The following AMN1 variants were observed in gnomAD, a reference collection of about 807,000 sequenced individuals.
The protein encoded by AMN1 is antagonist of mitotic exit network 1 homolog, also known as protein AMN1 homolog.
In AMN1, 20 loss-of-function variants were observed where a neutral mutation model predicts 33.0. That is an observed-to-expected ratio of 0.61 (90% CI 0.43 to 0.88). The LOEUF is 0.88. Among genes scored for constraint, AMN1 ranks in the 40% least tolerant of loss-of-function variants. The pLI is 0.00. For synonymous variants in AMN1, 114 were observed against 111.9 expected, an observed-to-expected ratio of 1.02 and a Z score of -0.12; for missense variants, 246 against 307.4, an observed-to-expected ratio of 0.80 and a Z score of 1.49.
chr12:31,728,997 T>C lies in AMN1; in HGVS notation c.12A>G (p.Pro4=). The C allele has an allele frequency of 6.5e-7, 1 of 1,545,594 alleles. No individual in the cohort carries two copies. The highest frequency in any genetic ancestry group is 8.7e-7 in the Non-Finnish European group (1 of 1,142,940). The change falls in exon 1 of 7, where the codon CCA becomes CCG. Residue 4 remains proline (P), a synonymous_variant. Transcript: ENST00000281471. MPR[P]RRVSQLLDLC... Reference sequence around the variant, plus strand: ...GATCCAGGAGCTGACTGACCCGCCGTGGGCGAGGCATCGCTGCAGCGTCTG... The same window carrying C: ...GATCCAGGAGCTGACTGACCCGCCGCGGGCGAGGCATCGCTGCAGCGTCTG...
chr12:31,702,191 C>G (rs1002678719), intron 2 of AMN1, among the ~76,000 whole-genome samples, 184 bp from the exon 3 acceptor site: 1 of 152,200 alleles, frequency 6.6e-6, no homozygotes, highest in Non-Finnish European at 1.5e-5. Context: ...CTACTTCCAG[C>G]AGGAGGTGCA....
chr12:31,702,407 C>T (rs555324951), intron 2 of AMN1, among the ~76,000 whole-genome samples: 5 of 152,290 alleles, frequency 3.3e-5, no homozygotes, highest in African/African-American at 1.2e-4. Flanking sequence ...CAAGTGCTTA[C>T]AGAGCACTAG....
chr12:31,680,920 C>A (rs2139658353), intron 6 of AMN1, among the ~76,000 whole-genome samples: 1 of 152,048 alleles, frequency 6.6e-6, no homozygotes, highest in South Asian at 2.1e-4. Context: ...ACAAAAAACC[C>A]CCACAAACAC....
At chr12:31,677,843 T>C (rs1937803056) in intron 6 of AMN1, among the ~76,000 whole-genome samples, 1 of 152,136 alleles carries the variant, frequency 6.6e-6, no homozygotes, top group African/African-American at 2.4e-5. Context: ...CCTACAAATA[T>C]TACTCTAAAC....
intron 1 of AMN1, among the ~76,000 whole-genome samples, chr12:31,726,609 T>C (rs1035687687): frequency 6.6e-6 from 1 of 152,238 alleles, no homozygotes; most frequent in Non-Finnish European, 1.5e-5. Context: ...CCAAGCCCTG[T>C]TTCCTTCATG....
chr12:31,725,684 T>G (rs1398525384), intron 1 of AMN1, among the ~76,000 whole-genome samples: 1 of 152,166 alleles, frequency 6.6e-6, no homozygotes, highest in East Asian at 1.9e-4. Flanking sequence ...CTCTTCATTT[T>G]ATTTGTGTAT....
intron 6 of AMN1, among the ~76,000 whole-genome samples, chr12:31,680,328 A>G (rs1186459645): frequency 6.6e-6 from 1 of 151,328 alleles, no homozygotes; most frequent in Non-Finnish European, 1.5e-5. Context: ...AGCCTCCCAA[A>G]TACCTGGGAT....
Position 31,672,362 on chromosome 12 carries a change from A to T in AMN1, c.719T>A (p.Val240Glu). Reference protein sequence around the residue: ...CPLITDHSREVLEQLVGPNKL... With the variant: ...CPLITDHSREELEQLVGPNKL... Reference sequence around the variant, plus strand: ...GTTTGGGCCTACTAATTGCTCCAACACTTCTCGGGAATGATCTATAAAAGA... The same window carrying T: ...GTTTGGGCCTACTAATTGCTCCAACTCTTCTCGGGAATGATCTATAAAAGA... Residue 240 changes from valine to glutamate, a missense_variant, in exon 7 of 7, where the codon GTG becomes GAG. Val to Glu is a moderately radical substitution (Grantham distance 121, BLOSUM62 -2). Coordinates refer to ENST00000281471, the MANE Select transcript of AMN1 (RefSeq NM_001113402.2). 6.4e-7 allele frequency: 1 copy of T among 1,573,178 alleles called. No individual in the cohort carries two copies. Among genetic ancestry groups the T allele is most frequent in the Admixed American group, 1.8e-5 (1 of 54,970 alleles).
intron 1 of AMN1, chr12:31,714,353 G>T (rs1939588606): frequency 6.6e-6 from 1 of 152,078 alleles, no homozygotes; most frequent in South Asian, 2.1e-4. Context: ...TTGAGACAAG[G>T]TCTCACTCTG....
intron 3 of AMN1, among the ~76,000 whole-genome samples, chr12:31,700,095 C>T (rs929288145): frequency 5.9e-5 from 9 of 151,416 alleles, no homozygotes; most frequent in African/African-American, 1.9e-4. Flanking sequence ...ATATACTCAA[C>T]TACCCACACA....
chr12:31,723,640 G>C (rs925905624), intron 1 of AMN1, among the ~76,000 whole-genome samples: 3 of 152,170 alleles, frequency 2.0e-5, no homozygotes, highest in Non-Finnish European at 4.4e-5. Flanking sequence ...TGAGCCGATA[G>C]TCAAGGTATT....
chr12:31,672,361 C>T lies in AMN1; in HGVS notation c.720G>A (p.Val240=), dbSNP rs1253774242. The T allele has an allele frequency of 6.4e-7, 1 of 1,574,260 alleles. No homozygotes were observed. Among genetic ancestry groups the T allele is most frequent in the South Asian group, 1.2e-5 (1 of 85,974 alleles). ...CPLITDHSRE[V]LEQLVGPNKL... ...TGTTTGGGCCTACTAATTGCTCCAACACTTCTCGGGAATGATCTATAAAAG... is the reference window on the plus strand; with the variant it reads ...TGTTTGGGCCTACTAATTGCTCCAATACTTCTCGGGAATGATCTATAAAAG... The change falls in exon 7 of 7, where the codon GTG becomes GTA. Residue 240 remains valine, a synonymous_variant. Transcript: ENST00000281471.
intron 1 of AMN1, chr12:31,719,442 C>T: frequency 3.7e-6 from 1 of 269,096 alleles, no homozygotes; most frequent in Non-Finnish European, 5.7e-6. Context: ...AAAATATATA[C>T]AATTATACAC....
rs75224983 is a variant in AMN1 at position 31,687,035 on chromosome 12, G to C, written c.703+1972C>G. Among the ~76,000 whole-genome samples, 2,732 of 151,508 alleles carry C rather than the reference G, an allele frequency of 0.018. 72 individuals carry two copies. Among genetic ancestry groups the C allele is most frequent in the African/African-American group, 0.063 (2,583 of 41,260 alleles). ...TTTTTCTTTTTCTTTTTTTGACACA[G>C]GGTCTCACTCTGTTACCCAGACTGG... On this transcript the variant is annotated intron_variant, in intron 6 of 6. Transcript: ENST00000281471. This position sits in a 1 kb window ranked among gnomAD's most constrained non-coding sequence, Gnocchi z 4.1.
intron 1 of AMN1, among the ~76,000 whole-genome samples, chr12:31,725,546 TGTAA>T (rs1194382763): frequency 1.3e-5 from 2 of 152,354 alleles, no homozygotes; most frequent in Non-Finnish European, 2.9e-5. Context: ...CTGCTTCTAA[TGTAA>T]GTGTTACATA....
chr12:31,729,164 CAAGGA>C, upstream of AMN1: 1 of 799,166 alleles, frequency 1.3e-6, no homozygotes, highest in Non-Finnish European at 1.9e-6. Flanking sequence ...TCGGACTCCA[CAAGGA>C]AAGAAGAGAG....
chr12:31,707,280 A>G lies in AMN1; in HGVS notation c.171+2013T>C, dbSNP rs188252101. ...GTGTACTACAGTCACAATGTAACGT[A>G]TATTTCTTATTGTGAGTCTTGATCA... is the stretch of plus-strand genomic sequence containing the variant. On this transcript the variant is annotated intron_variant, in intron 2 of 6. Transcript: ENST00000281471. Among the ~76,000 whole-genome samples, 10 of 152,332 alleles carry G rather than the reference A, an allele frequency of 6.6e-5. No homozygotes were observed. In the East Asian group the frequency reaches 9.6e-4, roughly 15 times the overall value.
chr12:31,709,493 C>T, intron 1 of AMN1, 68 bp from the exon 2 acceptor site: 1 of 1,528,710 alleles, frequency 6.5e-7, no homozygotes, highest in Non-Finnish European at 8.8e-7. Context: ...TGTCTTAATG[C>T]TATTTGTTAG....
At chr12:31,704,233 T>C (rs936567615) in intron 2 of AMN1, among the ~76,000 whole-genome samples, 1 of 152,146 alleles carries the variant, frequency 6.6e-6, no homozygotes, top group Non-Finnish European at 1.5e-5. Flanking sequence ...ATTGCTAACA[T>C]TGGGTTTTGG....
Sources: gnomAD v4.1 joint callset for allele counts (sites outside exome capture counted in the v4.1 genomes callset) on GRCh38, gnomAD v4.1.1 for gene constraint, Gnocchi (gnomAD v3.1) non-coding constraint, MANE v1.5 for transcripts, NCBI Gene and HGNC (gene_info 2026-07-23, HGNC 2026-07-21) for gene names.